The following STAU2 variants were observed in gnomAD, a reference collection of about 807,000 sequenced individuals.
The protein encoded by STAU2 is double-stranded RNA-binding protein Staufen homolog 2.
Under a neutral mutation model 65.9 loss-of-function variants are expected in STAU2, and 20 were observed. The observed-to-expected ratio is 0.30, with a 90% CI of 0.21 to 0.44. The LOEUF (loss-of-function observed/expected upper bound fraction) is 0.44, where lower values mean the gene tolerates loss of function less well. STAU2 is among the 20% of genes least tolerant of loss of function. The pLI is 1.00. For missense variants in STAU2, 558 were observed against 683.9 expected (o/e 0.82, Z 2.05); for synonymous variants, 232 against 233.9 (o/e 0.99, Z 0.07).
intron 13 of STAU2, among the ~76,000 whole-genome samples, chr8:73,520,258 C>T (rs1037967376): frequency 4.6e-5 from 7 of 152,066 alleles, no homozygotes; most frequent in African/African-American, 1.7e-4. Context: ...CTACTGAGCA[C>T]CTGAAATGTA....
chr8:73,593,447 T>G (rs1040187965), intron 11 of STAU2, among the ~76,000 whole-genome samples: 1 of 152,220 alleles, frequency 6.6e-6, no homozygotes, highest in Admixed American at 6.5e-5. Flanking sequence ...GCTCCTTGAG[T>G]GCAGAGACCA....
intron 6 of STAU2, among the ~76,000 whole-genome samples, chr8:73,654,664 A>AAAAAAAAAAAAAAC (rs1554556802): frequency 4.9e-5 from 6 of 122,984 alleles, no homozygotes; most frequent in East Asian, 2.3e-4. Flanking sequence ...AAAAAAAAGA[A>AAAAAAAAAAAAAAC]CTCTTTTAAT....
chr8:73,706,096 C>T (rs2130628752), intron 4 of STAU2, among the ~76,000 whole-genome samples: 2 of 152,088 alleles, frequency 1.3e-5, no homozygotes, highest in East Asian at 3.9e-4. Flanking sequence ...GTGTGAATTG[C>T]CATATAATTA....
intron 13 of STAU2, among the ~76,000 whole-genome samples, chr8:73,454,825 A>C (rs150821386): frequency 6.7e-4 from 102 of 152,352 alleles, no homozygotes; most frequent in Non-Finnish European, 7.3e-4. Context: ...TCATGGATTT[A>C]AATGACTTTA....
rs569218255 is a variant in STAU2 at position 73,692,140 on chromosome 8, C to T, written c.115-3327G>A. 3.1e-4 allele frequency among the ~76,000 whole-genome samples: 47 copies of T among 152,098 alleles called. No individual in the cohort carries two copies. The South Asian group carries it at 9.1e-3, about 30-fold the overall frequency. The stretch of plus-strand genomic sequence containing the variant: ...CACTGAGGTGCTGCAGGGTGGCACA[C>T]CCAGACAGGGCTTGGAAGCTCCATT... On this transcript the variant is annotated intron_variant, in intron 4 of 14. Coordinates refer to ENST00000524300, the MANE Select transcript of STAU2 (RefSeq NM_001164380.2).
At chr8:73,447,011 G>A (rs773775399) in intron 13 of STAU2, among the ~76,000 whole-genome samples, 6 of 152,162 alleles carry the variant, frequency 3.9e-5, no homozygotes, top group East Asian at 1.9e-4. Context: ...GCAAGATCTC[G>A]GCTCACTGCA....
intron 13 of STAU2, chr8:73,551,257 G>C: frequency 1.0e-6 from 1 of 987,424 alleles, no homozygotes; most frequent in South Asian, 4.7e-5. Context: ...TTCCCAGAAG[G>C]AAACAAAGAA....
chr8:73,603,450 C>T (rs1811784547), intron 10 of STAU2, among the ~76,000 whole-genome samples: 1 of 152,146 alleles, frequency 6.6e-6, no homozygotes, highest in African/African-American at 2.4e-5. Flanking sequence ...AAATGTAACA[C>T]AAAAAGTTAA....
intron 13 of STAU2, chr8:73,458,858 T>TA (rs1819204709): frequency 6.6e-6 from 1 of 152,234 alleles, no homozygotes; most frequent in Non-Finnish European, 1.5e-5. Context: ...CACTTGACAT[T>TA]AATTATACAT....
intron 13 of STAU2, among the ~76,000 whole-genome samples, chr8:73,503,359 C>T (rs1324585376): frequency 2.0e-5 from 3 of 152,078 alleles, no homozygotes; most frequent in Non-Finnish European, 2.9e-5. Flanking sequence ...AATAGCAGGG[C>T]TCATTTCCTT....
intron 11 of STAU2, 111 bp from the exon 12 acceptor site, chr8:73,582,941 CATATT>C (rs1810100551): frequency 1.2e-6 from 1 of 851,598 alleles, no homozygotes; most frequent in South Asian, 1.6e-5. Context: ...GGTTATTCTG[CATATT>C]ATCTCTATCT....
chr8:73,459,437 T>C (rs960003463), intron 13 of STAU2, among the ~76,000 whole-genome samples: 1 of 152,220 alleles, frequency 6.6e-6, no homozygotes, highest in African/African-American at 2.4e-5. Flanking sequence ...CAGAAACCCC[T>C]AAATACATTC....
chr8:73,447,102 C>T lies in STAU2; in HGVS notation c.1531-24400G>A, dbSNP rs564077881. On this transcript the variant is annotated intron_variant, in intron 13 of 14. Coordinates refer to ENST00000524300, the MANE Select transcript of STAU2 (RefSeq NM_001164380.2). ...GACTACACAGAGGCATGTGCTGCCA[C>T]GTCCGGCTAATTTTTGTATTTTCAG... Among the ~76,000 whole-genome samples, 9 of 152,204 alleles carry T rather than the reference C, an allele frequency of 5.9e-5. No individual in the cohort carries two copies. The East Asian group carries it at 1.6e-3, about 26-fold the overall frequency.
At chr8:73,476,598 A>T (rs1302890174) in intron 13 of STAU2, among the ~76,000 whole-genome samples, 2 of 152,230 alleles carry the variant, frequency 1.3e-5, no homozygotes, top group African/African-American at 2.4e-5. Flanking sequence ...GATTCAGTAC[A>T]CTTCTAAGAA....
At chr8:73,515,250 C>T (rs1412123484) in intron 13 of STAU2, among the ~76,000 whole-genome samples, 1 of 152,132 alleles carries the variant, frequency 6.6e-6, no homozygotes, top group Non-Finnish European at 1.5e-5. Context: ...GGACATGAGG[C>T]CATGAAGGCA....
intron 6 of STAU2, among the ~76,000 whole-genome samples, chr8:73,656,468 T>A (rs890288223): frequency 2.0e-5 from 3 of 152,234 alleles, no homozygotes; most frequent in African/African-American, 7.2e-5. Flanking sequence ...GCTACAATTA[T>A]TCAGATTCTC....
chr8:73,492,784 G>A (rs908549044), intron 13 of STAU2, among the ~76,000 whole-genome samples: 1 of 151,824 alleles, frequency 6.6e-6, no homozygotes, highest in African/African-American at 2.4e-5. Context: ...ATAGAATGCT[G>A]AGGAGATAAT....
chr8:73,514,349 C>G (rs1414435370), intron 13 of STAU2, among the ~76,000 whole-genome samples: 5 of 152,156 alleles, frequency 3.3e-5, no homozygotes, highest in African/African-American at 1.2e-4. Context: ...TTATAGACAC[C>G]AGCATAATCA....
intron 12 of STAU2, among the ~76,000 whole-genome samples, chr8:73,556,999 T>G (rs889202102): frequency 2.7e-5 from 4 of 149,960 alleles, no homozygotes; most frequent in African/African-American, 9.9e-5. Context: ...TTTTTTACTA[T>G]CTGCATAAAC....
Sources: gnomAD v4.1 joint callset for allele counts (sites outside exome capture counted in the v4.1 genomes callset) on GRCh38, gnomAD v4.1.1 for gene constraint, MANE v1.5 for transcripts, NCBI Gene and HGNC (gene_info 2026-07-23, HGNC 2026-07-21) for gene names.